QDPR: variants seen among roughly 807,000 people sequenced by gnomAD.
QDPR encodes the protein dihydropteridine reductase.
Under a neutral mutation model 31.7 loss-of-function variants are expected in QDPR, and 23 were observed. The observed-to-expected ratio is 0.73, with a 90% CI of 0.52 to 1.03. The LOEUF (loss-of-function observed/expected upper bound fraction) is 1.03, where lower values mean the gene tolerates loss of function less well. Among genes scored for constraint, QDPR ranks in the 50% least tolerant of loss-of-function variants. The pLI, the probability that QDPR is intolerant of heterozygous loss-of-function variation, is 0.00. For missense variants in QDPR, 324 were observed against 323.8 expected, an observed-to-expected ratio of 1.00 and a Z score of 0.00; for synonymous variants, 124 against 124.7, an observed-to-expected ratio of 0.99 and a Z score of 0.03.
chr4:17,499,981 C>G (rs753376140), intron 4 of QDPR, among the ~76,000 whole-genome samples: 2 of 151,652 alleles, frequency 1.3e-5, no homozygotes, highest in Non-Finnish European at 1.5e-5. Context: ...GAGCTCCCCC[C>G]ACCTTTTTTT....
At chr4:17,495,326 C>T (rs1718314204) in intron 4 of QDPR, among the ~76,000 whole-genome samples, 2 of 152,188 alleles carry the variant, frequency 1.3e-5, no homozygotes, top group Admixed American at 1.3e-4. Context: ...ACTTACCCCA[C>T]CCCATGTCAT....
At chr4:17,508,423 A>T (rs1008862333) in intron 2 of QDPR, among the ~76,000 whole-genome samples, 2 of 152,244 alleles carry the variant, frequency 1.3e-5, no homozygotes, top group Admixed American at 1.3e-4. Context: ...TCAACAGTAG[A>T]GCAAGACTCT....
intron 4 of QDPR, among the ~76,000 whole-genome samples, chr4:17,496,567 T>G (rs996218525): frequency 9.2e-5 from 14 of 151,650 alleles, no homozygotes; most frequent in African/African-American, 3.1e-4. Context: ...ACTTTTAAAT[T>G]ATTTAATCTA....
intron 1 of QDPR, chr4:17,510,101 A>T (rs775687291): frequency 7.4e-6 from 3 of 405,310 alleles, no homozygotes; most frequent in Non-Finnish European, 1.5e-5. Flanking sequence ...ATAATTCTTC[A>T]TTTGATTTTC....
intron 4 of QDPR, among the ~76,000 whole-genome samples, chr4:17,498,614 AC>A (rs1718446753): frequency 6.6e-6 from 1 of 152,240 alleles, no homozygotes; most frequent in African/African-American, 2.4e-5. Flanking sequence ...AAGACATTTC[AC>A]TAAGAAGGTC....
chr4:17,495,772 G>A (rs752482566), intron 4 of QDPR, among the ~76,000 whole-genome samples: 1 of 152,094 alleles, frequency 6.6e-6, no homozygotes, highest in Non-Finnish European at 1.5e-5. Context: ...ACTTTGGGAG[G>A]CTGCGGCAAG....
intron 6 of QDPR, among the ~76,000 whole-genome samples, chr4:17,489,307 G>T (rs149237293): frequency 6.6e-6 from 1 of 152,312 alleles, no homozygotes; most frequent in East Asian, 1.9e-4. Context: ...TCCTCTGTGG[G>T]TCTGTGGCTC....
At position 17,500,972 on chromosome 4, in the gene QDPR, G is replaced by C. The variant is rs555995848; in HGVS notation, c.436+747C>G. Among the ~76,000 whole-genome samples, 240 of 152,298 alleles carry C rather than the reference G, an allele frequency of 1.6e-3. No individual in the cohort carries two copies. In the South Asian group the frequency reaches 0.022, roughly 14 times the overall value. On this transcript the variant is annotated intron_variant, in intron 4 of 6. Transcript: ENST00000281243. ...GTGACTATAAGACCTACCATTTATT[G>C]TGAATAACAGTAAGACTTGCCATTT... is the stretch of plus-strand genomic sequence containing the variant.
At chr4:17,511,506 C>A (rs1475247252) in intron 1 of QDPR, among the ~76,000 whole-genome samples, 1 of 152,210 alleles carries the variant, frequency 6.6e-6, no homozygotes, top group Non-Finnish European at 1.5e-5. Flanking sequence ...CGTCCCAACT[C>A]TCACTGTCAG....
At chr4:17,492,658 A>C in intron 4 of QDPR, 2 of 391,828 alleles carry the variant, frequency 5.1e-6, no homozygotes, top group Non-Finnish European at 9.3e-6. Context: ...GAAAAGATAA[A>C]TGAACATTTA....
At chr4:17,495,498 A>C (rs1347125727) in intron 4 of QDPR, among the ~76,000 whole-genome samples, 1 of 152,190 alleles carries the variant, frequency 6.6e-6, no homozygotes, top group Non-Finnish European at 1.5e-5. Context: ...CACCACTGTG[A>C]CTTGGGCGAG....
chr4:17,511,659 C>T (rs1719012429), intron 1 of QDPR, among the ~76,000 whole-genome samples: 1 of 152,204 alleles, frequency 6.6e-6, no homozygotes, highest in African/African-American at 2.4e-5. Context: ...CACCCCTGCT[C>T]CCGTTCCTCC....
intron 4 of QDPR, among the ~76,000 whole-genome samples, chr4:17,493,114 A>G (rs1308528261): frequency 1.3e-5 from 2 of 152,172 alleles, no homozygotes; most frequent in Non-Finnish European, 1.5e-5. Flanking sequence ...CAATTCTCTA[A>G]GTCTCCAGAC....
chr4:17,508,554 A>C (rs1662732450), intron 2 of QDPR, among the ~76,000 whole-genome samples: 1 of 152,178 alleles, frequency 6.6e-6, no homozygotes, highest in South Asian at 2.1e-4. Flanking sequence ...AAACTAAATA[A>C]ATTGTGGCCA....
intron 6 of QDPR, 87 bp from the exon 7 acceptor site, chr4:17,487,323 G>A (rs893131833): frequency 4.1e-6 from 4 of 966,556 alleles, no homozygotes; most frequent in Middle Eastern, 2.1e-4. Flanking sequence ...CTTGTGGGGT[G>A]GGGGGAAGGG....
intron 1 of QDPR, chr4:17,510,058 G>C: frequency 2.3e-6 from 1 of 429,626 alleles, no homozygotes; most frequent in South Asian, 1.7e-5. Context: ...GAGCTGAAAT[G>C]TGAATTTCAT....
chr4:17,510,052 T>C (rs1718951408), intron 1 of QDPR: 4 of 429,082 alleles, frequency 9.3e-6, no homozygotes, highest in Non-Finnish European at 1.4e-5. Context: ...TCTTCAGAGC[T>C]GAAATGTGAA....
chr4:17,509,646 G>A (rs1331436404), intron 1 of QDPR, among the ~76,000 whole-genome samples: 1 of 152,132 alleles, frequency 6.6e-6, no homozygotes, highest in African/African-American at 2.4e-5. Flanking sequence ...AGGATCACTT[G>A]AGCTCAGTGA....
chr4:17,498,216 C>A (rs1000545803), intron 4 of QDPR, among the ~76,000 whole-genome samples: 1 of 152,110 alleles, frequency 6.6e-6, no homozygotes, highest in Non-Finnish European at 1.5e-5. Context: ...GCAAGTCCAG[C>A]GGGAGGTGGG....
Sources: gnomAD v4.1 joint callset for allele counts (sites outside exome capture counted in the v4.1 genomes callset) on GRCh38, gnomAD v4.1.1 for gene constraint, MANE v1.5 for transcripts, NCBI Gene and HGNC (gene_info 2026-07-23, HGNC 2026-07-21) for gene names.